GRAMD2B: variants seen among roughly 807,000 people sequenced by gnomAD.
The protein encoded by GRAMD2B is GRAM domain-containing protein 2B.
A neutral mutation model predicts 59.2 loss-of-function variants in GRAMD2B; 41 were observed. The ratio of observed to expected loss-of-function variants is 0.69; its 90% CI spans 0.54 to 0.90. The LOEUF (loss-of-function observed/expected upper bound fraction) is 0.90. Among genes scored for constraint, GRAMD2B ranks in the 40% least tolerant of loss-of-function variants. GRAMD2B has a pLI of 0.00. For missense variants in GRAMD2B, 424 were observed against 500.5 expected (o/e 0.85, Z 1.46); for synonymous variants, 161 against 182.7 (o/e 0.88, Z 0.96).
intron 13 of GRAMD2B, among the ~76,000 whole-genome samples, chr5:126,491,239 C>T (rs1218886820): frequency 6.6e-6 from 1 of 152,096 alleles, no homozygotes; most frequent in Admixed American, 6.6e-5. Context: ...TTTTCTACCT[C>T]CCACTCCTGT....
At chr5:126,489,439 A>G (rs1773542588) in intron 13 of GRAMD2B, among the ~76,000 whole-genome samples, 1 of 152,222 alleles carries the variant, frequency 6.6e-6, no homozygotes, top group African/African-American at 2.4e-5. Flanking sequence ...CTGCTGAGAG[A>G]GCATTAGAAG....
chr5:126,487,631 C>T (rs1773193903), intron 12 of GRAMD2B, among the ~76,000 whole-genome samples: 1 of 152,178 alleles, frequency 6.6e-6, no homozygotes. Context: ...AGAGATATTT[C>T]CTGACAGAGT....
At chr5:126,421,833 C>T (rs1385511857), upstream of GRAMD2B, among the ~76,000 whole-genome samples, 2 of 152,142 alleles carry the variant, frequency 1.3e-5, no homozygotes, top group East Asian at 1.9e-4. Context: ...TACATACATA[C>T]ATGTACATAC....
chr5:126,485,235 C>T (rs562242630), intron 10 of GRAMD2B, among the ~76,000 whole-genome samples: 53 of 152,096 alleles, frequency 3.5e-4, no homozygotes, highest in African/African-American at 1.3e-3. Context: ...TTTGTAGTTC[C>T]AGCTACTTGG....
chr5:126,462,506 A>G (rs1767561184), intron 1 of GRAMD2B: 2 of 911,598 alleles, frequency 2.2e-6, no homozygotes, highest in Non-Finnish European at 1.3e-6. Context: ...AGCCTGTAGC[A>G]TCTTTAAGCA....
chr5:126,458,189 C>T (rs926991842), intron 1 of GRAMD2B, among the ~76,000 whole-genome samples: 25 of 152,186 alleles, frequency 1.6e-4, no homozygotes, highest in Admixed American at 1.5e-3. Flanking sequence ...GATCTTAGCA[C>T]TTTGAGAGGT....
chr5:126,470,181 C>G (rs1417448193), intron 3 of GRAMD2B, among the ~76,000 whole-genome samples: 1 of 152,196 alleles, frequency 6.6e-6, no homozygotes, highest in Non-Finnish European at 1.5e-5. Flanking sequence ...CAACTGCACA[C>G]AGAGGAGTTA....
chr5:126,465,626 A>C, intron 2 of GRAMD2B, 81 bp downstream of exon 2: 1 of 1,259,066 alleles, frequency 7.9e-7, no homozygotes, highest in Non-Finnish European at 1.1e-6. Context: ...GTTTTTTGTT[A>C]AGAGTGAGGA....
rs767408316 is a variant in GRAMD2B at position 126,393,940 on chromosome 5, AG to A, written c.125+22374del. Among the ~76,000 whole-genome samples the A allele has an allele frequency of 6.2e-4, 95 of 152,256 alleles. 1 individual carries two copies. The highest frequency in any genetic ancestry group is 1.1e-3 in the Non-Finnish European group (75 of 68,026). ...ATGTGCTCAGAAGGGACCATATGAG[AG>A]TATCACAAGACACTCATAACTATGT... On this transcript the variant is annotated intron_variant, in intron 1 of 8. Coordinates refer to the GRAMD2B transcript ENST00000506445.
chr5:126,434,102 A>G (rs1489447188), intron 1 of GRAMD2B: 2 of 152,204 alleles, frequency 1.3e-5, no homozygotes, highest in Non-Finnish European at 2.9e-5. Context: ...GTGACTATAA[A>G]ATAATAAGAC....
chr5:126,366,725 CCAACCA>C (rs1255407416), upstream of GRAMD2B, among the ~76,000 whole-genome samples: 1 of 152,104 alleles, frequency 6.6e-6, no homozygotes, highest in African/African-American at 2.4e-5. Flanking sequence ...AATCAAACAG[CCAACCA>C]CAGGAATGTG....
upstream of GRAMD2B, among the ~76,000 whole-genome samples, chr5:126,368,007 T>G (rs918258484): frequency 6.6e-6 from 1 of 152,224 alleles, no homozygotes; most frequent in African/African-American, 2.4e-5. Context: ...CGCGTCGGCC[T>G]CCCAAAGTGC....
rs557498289 is a variant in GRAMD2B at position 126,484,075 on chromosome 5, A to T, written c.848-327A>T. On this transcript the variant is annotated intron_variant, in intron 9 of 13. Transcript: ENST00000285689. ...AAACTCCTGACCTCGTGATCCACCC[A>T]CTTTGGCCTCCCAAAGTGCTGGGAT... 1.7e-4 allele frequency among the ~76,000 whole-genome samples: 26 copies of T among 152,238 alleles called. No individual in the cohort carries two copies. The South Asian group carries it at 2.3e-3, about 13-fold the overall frequency.
chr5:126,444,829 A>G (rs1180902329), intron 1 of GRAMD2B, among the ~76,000 whole-genome samples: 3 of 152,120 alleles, frequency 2.0e-5, no homozygotes. Context: ...TCCATTAGCT[A>G]TTCTTCCTGG....
Position 126,423,579 on chromosome 5 carries a change from C to G in GRAMD2B, c.-28C>G, listed in dbSNP as rs1023905375. On this transcript the variant is annotated 5_prime_UTR_variant, in exon 1 of 14. Transcript: ENST00000285689. ...GGGGCAGAGCCAGGCGCGCGGAAGT[C>G]TGAAGGTGCCCTCCAGACACGGCCC... 1.1e-5 allele frequency: 17 copies of G among 1,605,840 alleles called. No homozygotes were observed. The highest frequency in any genetic ancestry group is 1.4e-5 in the Non-Finnish European group (17 of 1,176,808).
chr5:126,431,269 G>C (rs543753703), intron 1 of GRAMD2B, among the ~76,000 whole-genome samples: 1 of 152,208 alleles, frequency 6.6e-6, no homozygotes, highest in Admixed American at 6.5e-5. Flanking sequence ...TTATGATTAA[G>C]TGTGATCACA....
intron 1 of GRAMD2B, among the ~76,000 whole-genome samples, chr5:126,417,175 C>A (rs1181169455): frequency 6.6e-6 from 1 of 152,236 alleles, no homozygotes; most frequent in Non-Finnish European, 1.5e-5. Context: ...TTGTGTAGTT[C>A]TCTCACCTTG....
chr5:126,476,988 A>G (rs1477106155), intron 5 of GRAMD2B, among the ~76,000 whole-genome samples: 1 of 152,208 alleles, frequency 6.6e-6, no homozygotes. Context: ...GGTCATGTAG[A>G]TACAGGTTGA....
rs189763106 is a variant in GRAMD2B, at chr5:126,487,743, G to A, written c.1163+766G>A. 2.0e-4 allele frequency among the ~76,000 whole-genome samples: 31 copies of A among 152,212 alleles called. 1 individual carries two copies. The East Asian group carries it at 5.0e-3, about 25-fold the overall frequency. ...TTCACCATAACCTTAGAATAGAACT[G>A]TTCCCATTTTACAGATGAAGAAACT... On this transcript the variant is annotated intron_variant, in intron 12 of 13. Coordinates refer to ENST00000285689, the MANE Select transcript of GRAMD2B (RefSeq NM_023927.4).
Sources: allele counts gnomAD v4.1 joint callset (sites outside exome capture counted in the v4.1 genomes callset), GRCh38; gene constraint gnomAD v4.1.1; transcripts MANE v1.5; gene names NCBI Gene and HGNC (gene_info 2026-07-23, HGNC 2026-07-21).